GRIN2A: variants seen among roughly 807,000 people sequenced by gnomAD.
GRIN2A encodes glutamate ionotropic receptor NMDA type subunit 2A.
A neutral mutation model predicts 113.4 loss-of-function variants in GRIN2A; 22 were observed. The ratio of observed to expected loss-of-function variants is 0.19; its 90% confidence interval spans 0.14 to 0.28. The LOEUF is 0.28. Ranked by LOEUF, GRIN2A falls within the 10% of genes least tolerant of loss-of-function variation. GRIN2A has a pLI of 1.00. For missense variants in GRIN2A, 1,502 were observed against 1,887.0 expected (o/e 0.80, Z 3.78); for synonymous variants, 827 against 738.4 (o/e 1.12, Z -1.94).
intron 5 of GRIN2A, among the ~76,000 whole-genome samples, chr16:9,849,223 A>ATAAAATATATAATTTCTATATATT (rs1235737684): frequency 2.8e-4 from 40 of 144,014 alleles, no homozygotes; most frequent in African/African-American, 9.4e-4. Context: ...ATATTTATAT[A>ATAAAATATATAATTTCTATATATT]TAATGTTTTA....
intron 3 of GRIN2A, among the ~76,000 whole-genome samples, chr16:9,892,380 T>C (rs2043711982): frequency 6.6e-6 from 1 of 152,164 alleles, no homozygotes; most frequent in Non-Finnish European, 1.5e-5. Flanking sequence ...TATGCTATTC[T>C]TACAAACCAG....
chr16:9,833,690 T>G (rs527732195), intron 8 of GRIN2A, among the ~76,000 whole-genome samples: 5 of 152,300 alleles, frequency 3.3e-5, no homozygotes, highest in Admixed American at 6.5e-5. Context: ...CCCAAAACCA[T>G]TCATACAATG....
intron 3 of GRIN2A, among the ~76,000 whole-genome samples, chr16:9,908,426 T>C (rs2044069536): frequency 6.6e-6 from 1 of 152,098 alleles, no homozygotes; most frequent in South Asian, 2.1e-4. Context: ...TTCTTTTTAC[T>C]ATAGTCCTTC....
intron 10 of GRIN2A, among the ~76,000 whole-genome samples, chr16:9,813,015 C>T (rs1034358262): frequency 6.6e-6 from 1 of 152,198 alleles, no homozygotes; most frequent in Non-Finnish European, 1.5e-5. Flanking sequence ...CAGAACAAAG[C>T]AATGCTCTTC....
At chr16:10,104,426 A>G (rs4780813) in intron 2 of GRIN2A, among the ~76,000 whole-genome samples, 151,954 of 152,250 alleles carry the variant, frequency 1, 75,830 homozygotes, top group Non-Finnish European at 1. Flanking sequence ...GTTTGAAGAA[A>G]GAATATCATA....
intron 2 of GRIN2A, among the ~76,000 whole-genome samples, chr16:10,067,118 CT>C (rs1438332681): frequency 6.6e-6 from 1 of 152,124 alleles, no homozygotes; most frequent in Non-Finnish European, 1.5e-5. Flanking sequence ...CTCTTTTTTG[CT>C]GTTTCTTTCT....
intron 11 of GRIN2A, among the ~76,000 whole-genome samples, chr16:9,784,423 T>A (rs1166869735): frequency 7.9e-6 from 1 of 126,656 alleles, no homozygotes; most frequent in African/African-American, 3.2e-5. Context: ...AGAGCAAAAC[T>A]CTAACAACAA....
intron 2 of GRIN2A, among the ~76,000 whole-genome samples, chr16:10,135,901 T>A (rs910157458): frequency 6.6e-6 from 1 of 152,128 alleles, no homozygotes; most frequent in Admixed American, 6.5e-5. Flanking sequence ...ACATTAGAGT[T>A]TGACTGAGTA....
intron 2 of GRIN2A, among the ~76,000 whole-genome samples, chr16:10,126,728 C>G (rs951966448): frequency 6.6e-6 from 1 of 152,126 alleles, no homozygotes; most frequent in Admixed American, 6.5e-5. Context: ...TGCTGGAACT[C>G]CCTGAAACGA....
At chr16:9,773,101 C>A (rs1320423536) in intron 11 of GRIN2A, among the ~76,000 whole-genome samples, 1 of 152,068 alleles carries the variant, frequency 6.6e-6, no homozygotes, top group African/African-American at 2.4e-5. Flanking sequence ...TTGTAATCTC[C>A]TGGAGGGAGA....
intron 2 of GRIN2A, among the ~76,000 whole-genome samples, chr16:9,948,274 G>C (rs960479833): frequency 6.6e-6 from 1 of 152,216 alleles, no homozygotes; most frequent in Non-Finnish European, 1.5e-5. Context: ...AGTTAAGGAA[G>C]TTGGGGCTTA....
chr16:10,162,278 G>C (rs4587976), intron 2 of GRIN2A, among the ~76,000 whole-genome samples: 57,869 of 151,852 alleles, frequency 0.38, 11,391 homozygotes, highest in Non-Finnish European at 0.42. Context: ...GTGGAGGTCT[G>C]GGTTCTGAGC....
chr16:9,864,355 A>C (rs1282546228), intron 4 of GRIN2A, among the ~76,000 whole-genome samples: 2 of 152,200 alleles, frequency 1.3e-5, no homozygotes, highest in Admixed American at 6.5e-5. Flanking sequence ...TTATTGTGAT[A>C]ATCAATTCAT....
chr16:9,992,954 G>A (rs113630899), intron 2 of GRIN2A, among the ~76,000 whole-genome samples: 3,117 of 152,160 alleles, frequency 0.02, 46 homozygotes, highest in African/African-American at 0.036. Flanking sequence ...GGTGGCTCAC[G>A]CCTGTAATCC....
intron 2 of GRIN2A, among the ~76,000 whole-genome samples, chr16:10,147,636 CAA>C (rs35925963): frequency 1.7e-3 from 196 of 118,574 alleles, no homozygotes; most frequent in Admixed American, 1.5e-3. Flanking sequence ...GGCCCTGTCT[CAA>C]AAAAAAAAAA....
intron 2 of GRIN2A, among the ~76,000 whole-genome samples, chr16:10,093,042 G>A (rs907428114): frequency 3.3e-5 from 5 of 152,024 alleles, no homozygotes; most frequent in African/African-American, 9.7e-5. Context: ...GTTTCGCCAT[G>A]TTGGCCAGGC....
intron 2 of GRIN2A, among the ~76,000 whole-genome samples, chr16:10,094,357 C>T (rs1162871963): frequency 2.0e-5 from 3 of 152,162 alleles, no homozygotes; most frequent in African/African-American, 7.2e-5. Context: ...CTCTTAATAA[C>T]AGCTTCTTCA....
intron 2 of GRIN2A, among the ~76,000 whole-genome samples, chr16:9,942,527 C>T (rs2044908611): frequency 1.3e-5 from 2 of 152,126 alleles, no homozygotes; most frequent in African/African-American, 2.4e-5. Context: ...CTCATCTGTC[C>T]ACGCCTGACT....
At chr16:9,808,225 T>A (rs1429909982) in intron 10 of GRIN2A, among the ~76,000 whole-genome samples, 1 of 152,242 alleles carries the variant, frequency 6.6e-6, no homozygotes, top group Non-Finnish European at 1.5e-5. Flanking sequence ...ATTTAATCTT[T>A]ACAGTGCATT....
Sources: gnomAD v4.1 joint callset for allele counts (sites outside exome capture counted in the v4.1 genomes callset) on GRCh38, gnomAD v4.1.1 for gene constraint, MANE v1.5 for transcripts, NCBI Gene and HGNC (gene_info 2026-07-23, HGNC 2026-07-21) for gene names.